The following PLCL2 variants were observed in gnomAD, a reference collection of about 807,000 sequenced individuals.
PLCL2 encodes inactive phospholipase C-like protein 2.
In PLCL2, 4 loss-of-function variants were observed where a neutral mutation model predicts 79.6. The ratio of observed to expected loss-of-function variants is 0.05; its 90% CI spans 0.02 to 0.11. The LOEUF (loss-of-function observed/expected upper bound fraction) is 0.11, where lower values mean the gene tolerates loss of function less well. Among genes scored for constraint, PLCL2 ranks in the 10% least tolerant of loss-of-function variants. PLCL2 has a pLI of 1.00. For missense variants in PLCL2, 895 were observed against 1,291.0 expected (o/e 0.69, Z 4.70); for synonymous variants, 484 against 457.7 (o/e 1.06, Z -0.73).
Position 16,979,490 on chromosome 3 carries a change from C to T in PLCL2, c.328-30184C>T, listed in dbSNP as rs543888894. Among the ~76,000 whole-genome samples, 3 of 91,012 alleles carry T rather than the reference C, an allele frequency of 3.3e-5. 1 individual carries two copies. The highest frequency in any genetic ancestry group is 9.0e-4 in the South Asian group (2 of 2,234). 59.7% of individuals were successfully genotyped at this position (91,012 alleles called of 152,430 possible). A position where few individuals can be genotyped will look rare whatever the true frequency, so the allele number is the denominator to read the frequency against. Reference sequence around the variant, plus strand: ...CTAGGCAGAGGACCCTGTGGCCTTCCGCAGTGTTTGTGTCCCTGATTACTT... The same window carrying T: ...CTAGGCAGAGGACCCTGTGGCCTTCTGCAGTGTTTGTGTCCCTGATTACTT... On this transcript the variant is annotated intron_variant, in intron 1 of 5. Coordinates refer to ENST00000615277, the MANE Select transcript of PLCL2 (RefSeq NM_001144382.2).
chr3:16,939,654 G>A (rs971655098), intron 1 of PLCL2, among the ~76,000 whole-genome samples: 7 of 152,254 alleles, frequency 4.6e-5, no homozygotes, highest in South Asian at 2.1e-4. Flanking sequence ...TTATAAAGAT[G>A]GATTAAGCCT....
intron 4 of PLCL2, among the ~76,000 whole-genome samples, chr3:17,058,702 T>G (rs937866536): frequency 1.2e-4 from 19 of 152,226 alleles, no homozygotes; most frequent in African/African-American, 4.3e-4. Flanking sequence ...GAGATGACCA[T>G]AGACATAGAA....
intron 1 of PLCL2, among the ~76,000 whole-genome samples, chr3:16,907,617 T>TG (rs970977958): frequency 1.3e-5 from 2 of 152,316 alleles, no homozygotes; most frequent in African/African-American, 2.4e-5. Context: ...TGAGTCAGAC[T>TG]GGGGGGTCAC....
chr3:16,987,162 C>A (rs1402585013), intron 1 of PLCL2, among the ~76,000 whole-genome samples: 1 of 151,976 alleles, frequency 6.6e-6, no homozygotes, highest in Non-Finnish European at 1.5e-5. Flanking sequence ...CAAGAGAGGA[C>A]AACTGAGTAG....
At chr3:16,942,371 GT>G (rs948600776) in intron 1 of PLCL2, among the ~76,000 whole-genome samples, 1 of 152,220 alleles carries the variant, frequency 6.6e-6, no homozygotes, top group Non-Finnish European at 1.5e-5. Context: ...AACCAGGATG[GT>G]GGAGGAAGGA....
At chr3:17,025,398 C>T (rs185521317) in intron 3 of PLCL2, among the ~76,000 whole-genome samples, 2 of 152,046 alleles carry the variant, frequency 1.3e-5, no homozygotes, top group Non-Finnish European at 1.5e-5. Context: ...TCAGTCACTT[C>T]AATCAAATTG....
At chr3:16,917,371 C>T (rs1246234646) in intron 1 of PLCL2, among the ~76,000 whole-genome samples, 1 of 152,170 alleles carries the variant, frequency 6.6e-6, no homozygotes, top group Non-Finnish European at 1.5e-5. Context: ...CCACCTCAAA[C>T]TTAGTGGCAT....
intron 1 of PLCL2, among the ~76,000 whole-genome samples, chr3:16,956,626 C>T (rs1304325163): frequency 6.6e-6 from 1 of 152,110 alleles, no homozygotes; most frequent in African/African-American, 2.4e-5. Context: ...CCTTGTACCT[C>T]TGGTAGAATT....
At chr3:16,956,459 A>G (rs1277146782) in intron 1 of PLCL2, among the ~76,000 whole-genome samples, 1 of 152,248 alleles carries the variant, frequency 6.6e-6, no homozygotes, top group African/African-American at 2.4e-5. Context: ...TTTTGCATCA[A>G]TGTTCATCAA....
chr3:16,957,732 A>G (rs2063719750), intron 1 of PLCL2, among the ~76,000 whole-genome samples: 1 of 152,138 alleles, frequency 6.6e-6, no homozygotes, highest in African/African-American at 2.4e-5. Flanking sequence ...GGGCATATAT[A>G]TTTAGGATAG....
intron 3 of PLCL2, among the ~76,000 whole-genome samples, chr3:17,016,804 A>G (rs1419111237): frequency 1.3e-5 from 2 of 152,256 alleles, no homozygotes; most frequent in East Asian, 3.8e-4. Flanking sequence ...TAAGCCACAA[A>G]TAAAATCACA....
chr3:16,988,399 A>G (rs1231772265), intron 1 of PLCL2, among the ~76,000 whole-genome samples: 1 of 152,132 alleles, frequency 6.6e-6, no homozygotes, highest in African/African-American at 2.4e-5. Flanking sequence ...TCACAGTCTT[A>G]GTGAAGATAC....
intron 1 of PLCL2, among the ~76,000 whole-genome samples, chr3:16,996,964 C>T (rs527720172): frequency 2.0e-5 from 3 of 152,080 alleles, no homozygotes; most frequent in Non-Finnish European, 4.4e-5. Context: ...TGAGATGTTT[C>T]GAAAAATTCT....
intron 3 of PLCL2, among the ~76,000 whole-genome samples, chr3:17,024,814 G>A (rs2064496850): frequency 1.3e-5 from 2 of 152,174 alleles, no homozygotes; most frequent in South Asian, 2.1e-4. Context: ...GGACCCAGAG[G>A]AGACCCATGT....
intron 4 of PLCL2, among the ~76,000 whole-genome samples, chr3:17,063,481 A>G (rs1346736665): frequency 2.0e-5 from 3 of 151,002 alleles, no homozygotes. Flanking sequence ...TCTTGCATGC[A>G]AATCTGAAAA....
Position 16,887,928 on chromosome 3 carries a change from G to A in PLCL2, c.327+2562G>A, listed in dbSNP as rs1167473373. Reference sequence around the variant, plus strand: ...TCAGGTGGTCTCTGAGTAGAGGCAGGAGTAGATTAGTAAGCAAGGTGATAA... The same window carrying A: ...TCAGGTGGTCTCTGAGTAGAGGCAGAAGTAGATTAGTAAGCAAGGTGATAA... On this transcript the variant is annotated intron_variant, in intron 1 of 5. Coordinates refer to ENST00000615277, the MANE Select transcript of PLCL2 (RefSeq NM_001144382.2). This position sits in a 1 kb window ranked among gnomAD's most constrained non-coding sequence, Gnocchi z 4.1. Among the ~76,000 whole-genome samples the A allele has an allele frequency of 6.6e-6, 1 of 152,082 alleles. No homozygotes were observed. The highest frequency in any genetic ancestry group is 6.5e-5 in the Admixed American group (1 of 15,284).
intron 1 of PLCL2, among the ~76,000 whole-genome samples, chr3:17,002,772 T>A (rs2064223499): frequency 6.6e-6 from 1 of 151,940 alleles, no homozygotes; most frequent in Non-Finnish European, 1.5e-5. Context: ...TTTGTTTTTC[T>A]AAAAAAAATA....
At chr3:16,972,543 A>G (rs562154315) in intron 1 of PLCL2, among the ~76,000 whole-genome samples, 3 of 152,248 alleles carry the variant, frequency 2.0e-5, no homozygotes, top group Admixed American at 2.0e-4. Flanking sequence ...TATCTTTGTT[A>G]GTTCCCTGCC....
intron 1 of PLCL2, among the ~76,000 whole-genome samples, chr3:17,007,390 T>C (rs1188516444): frequency 6.6e-6 from 1 of 152,240 alleles, no homozygotes; most frequent in Non-Finnish European, 1.5e-5. Context: ...TCATGCTAAC[T>C]CACTCAAATT....
Sources: allele counts gnomAD v4.1 joint callset (sites outside exome capture counted in the v4.1 genomes callset), GRCh38; gene constraint gnomAD v4.1.1; non-coding constraint Gnocchi (gnomAD v3.1); transcripts MANE v1.5; gene names NCBI Gene and HGNC (gene_info 2026-07-23, HGNC 2026-07-21).